Variants in SPDYE1 observed in about 807,000 individuals in gnomAD.
SPDYE1 encodes the protein speedy/RINGO cell cycle regulator family member E1.
SPDYE1 carries 29 observed loss-of-function variants against 45.9 expected under a neutral mutation model. The ratio of observed to expected loss-of-function variants is 0.63; its 90% CI spans 0.47 to 0.86. The LOEUF is 0.86. Ranked by LOEUF, SPDYE1 falls within the 40% of genes least tolerant of loss-of-function variation. The pLI, the probability that SPDYE1 is intolerant of heterozygous loss-of-function variation, is 0.00. For synonymous variants in SPDYE1, 134 were observed against 176.8 expected (o/e 0.76, Z 1.92); for missense variants, 346 against 481.4 (o/e 0.72, Z 2.63).
At position 44,007,383 on chromosome 7, in the gene SPDYE1, T is replaced by G; in HGVS notation, c.868T>G (p.Leu290Val). The G allele has an allele frequency of 6.2e-7, 1 of 1,613,218 alleles. No homozygotes were observed. The highest frequency in any genetic ancestry group is 8.5e-7 in the Non-Finnish European group (1 of 1,179,464). ...CTTGCTCCGTAAGCGTCGGTTCCAG[T>G]TATACCGTTCCATGAACCCGAGGGC... ...IPLLRKRRFQ[L>V]YRSMNPRARK... The change falls in exon 7 of 9, where the codon TTA (leucine) becomes GTA (valine). Residue 290 changes from leucine (L) to valine (V), a missense_variant. Transcript: ENST00000693451.
chr7:44,007,600 G>A lies in SPDYE1; in HGVS notation c.1071+14G>A. 1 of 1,612,760 alleles carries A rather than the reference G, an allele frequency of 6.2e-7. No homozygotes were observed. Among genetic ancestry groups the A allele is most frequent in the East Asian group, 2.2e-5 (1 of 44,858 alleles). On this transcript the variant is annotated intron_variant, in intron 7 of 8. Coordinates refer to ENST00000693451, the MANE Select transcript of SPDYE1 (RefSeq NM_001378423.2). Reference sequence around the variant, plus strand: ...GAGTTGGAGGAGGTGAGTGGGGCCTGGGGAGGTGGAGGAGGTGGGGAGGAA... The same window carrying A: ...GAGTTGGAGGAGGTGAGTGGGGCCTAGGGAGGTGGAGGAGGTGGGGAGGAA...
rs771424141 is a variant in SPDYE1 at position 44,007,524 on chromosome 7, C to T, written c.1009C>T (p.Arg337Trp). The change falls in exon 7 of 9, where the codon CGG becomes TGG. Residue 337 changes from arginine to tryptophan, a missense_variant. Physicochemically the swap from Arg to Trp is moderately radical, Grantham distance 101. Coordinates refer to ENST00000693451, the MANE Select transcript of SPDYE1 (RefSeq NM_001378423.2). ...TCAGATAGTCCTGTTCCAGAAACGTCGGTTCCACTTCTTCTGTTCCATGAG... is the reference window on the plus strand; with the variant it reads ...TCAGATAGTCCTGTTCCAGAAACGTTGGTTCCACTTCTTCTGTTCCATGAG... The part of the protein sequence containing the change: ...RSQIVLFQKR[R>W]FHFFCSMSCR... 6.8e-6 allele frequency: 11 copies of T among 1,613,682 alleles called. No homozygotes were observed. Among genetic ancestry groups the T allele is most frequent in the East Asian group, 2.2e-5 (1 of 44,892 alleles).
intron 6 of SPDYE1, among the ~76,000 whole-genome samples, chr7:44,005,922 G>C (rs2096070627): frequency 6.6e-6 from 1 of 151,844 alleles, no homozygotes; most frequent in Admixed American, 6.6e-5. Flanking sequence ...GGTCCCCCTC[G>C]CATCACTCGA....
intron 6 of SPDYE1, among the ~76,000 whole-genome samples, chr7:44,005,974 C>T (rs1353569073): frequency 6.6e-6 from 1 of 152,146 alleles, no homozygotes; most frequent in Non-Finnish European, 1.5e-5. Flanking sequence ...CCTGGAGTCT[C>T]TCCCCAAGCC....
chr7:44,000,952 G>A (rs2096062004), intron 2 of SPDYE1, 114 bp from the exon 3 acceptor site: 27 of 1,596,310 alleles, frequency 1.7e-5, no homozygotes, highest in Non-Finnish European at 1.9e-5. Flanking sequence ...ATGGCTTAGA[G>A]AAGTCAGCAG....
chr7:44,003,074 CG>C (rs1414942158), intron 4 of SPDYE1, among the ~76,000 whole-genome samples: 1 of 73,664 alleles, frequency 1.4e-5, no homozygotes, highest in African/African-American at 5.5e-5. Context: ...GATCCCAGCA[CG>C]TTGGGAGGCT....
rs562506868 is a variant in SPDYE1, at chr7:44,007,822, G to A, written c.*45+9G>A. 577 of 1,601,530 alleles carry A rather than the reference G, an allele frequency of 3.6e-4. No individual in the cohort carries two copies. Among genetic ancestry groups the A allele is most frequent in the Admixed American group, 1.2e-3 (71 of 58,494 alleles). On this transcript the variant is annotated intron_variant, in intron 8 of 8. Transcript: ENST00000693451. ...CATCGGCCTGAGAGAAGGTACATCT[G>A]CATCCTCCGGGGTAAAGGCAGAATA... is the stretch of plus-strand genomic sequence containing the variant.
In SPDYE1 at chr7:44,008,679, A is replaced by AG. The variant is rs1371298036; in HGVS notation, c.*62dup. Reference sequence around the variant, plus strand: ...CTCTCCCTTCCAGAACACCGGACCCAGGGGAGATGTGGATTTTCAGCAGGA... The same window carrying AG: ...CTCTCCCTTCCAGAACACCGGACCCAGGGGGAGATGTGGATTTTCAGCAGGA... On this transcript the variant is annotated 3_prime_UTR_variant, in exon 9 of 9. Coordinates refer to ENST00000693451, the MANE Select transcript of SPDYE1 (RefSeq NM_001378423.2). 7.8e-7 allele frequency: 1 copy of AG among 1,278,268 alleles called. No homozygotes were observed. Among genetic ancestry groups the AG allele is most frequent in the Admixed American group, 2.6e-5 (1 of 38,818 alleles). The allele number at this position is 1,278,268 out of a possible 1,614,324, so 79.2% of individuals were successfully genotyped here.
intron 5 of SPDYE1, 171 bp downstream of exon 5, chr7:44,004,082 C>T: frequency 1.7e-6 from 2 of 1,192,738 alleles, no homozygotes; most frequent in South Asian, 2.8e-5. Context: ...GTTGCCCAGG[C>T]TGGAGGGCAG....
chr7:43,999,646 G>T lies in SPDYE1; in HGVS notation c.-304G>T, dbSNP rs1392481857. Among the ~76,000 whole-genome samples the T allele has an allele frequency of 6.8e-6, 1 of 147,382 alleles. No individual in the cohort carries two copies. Among genetic ancestry groups the T allele is most frequent in the Non-Finnish European group, 1.5e-5 (1 of 66,486 alleles). On this transcript the variant is annotated 5_prime_UTR_variant, in exon 2 of 9. Coordinates refer to ENST00000693451, the MANE Select transcript of SPDYE1 (RefSeq NM_001378423.2). The stretch of plus-strand genomic sequence containing the variant: ...AACAGAGGGATGTGGAGTCCCTGAA[G>T]ATGCTTTTGGACAATGGTCTGAGGT...
Position 44,009,088 on chromosome 7 carries a change from G to T in SPDYE1, c.*467G>T. On this transcript the variant is annotated 3_prime_UTR_variant, in exon 9 of 9. Coordinates refer to ENST00000693451, the MANE Select transcript of SPDYE1 (RefSeq NM_001378423.2). ...TTGTGAAATATCAGTGCCACAGATTGTAACAGATAGCTTCATGCACACTCT... is the reference window on the plus strand; with the variant it reads ...TTGTGAAATATCAGTGCCACAGATTTTAACAGATAGCTTCATGCACACTCT... 1 of 300,510 alleles carries T rather than the reference G, an allele frequency of 3.3e-6. No homozygotes were observed. The highest frequency in any genetic ancestry group is 6.4e-6 in the Non-Finnish European group (1 of 155,112). The allele number at this position is 300,510 out of a possible 1,614,324, so 18.6% of individuals were successfully genotyped here. A position where few individuals can be genotyped will look rare whatever the true frequency, so the allele number is the denominator to read the frequency against.
intron 8 of SPDYE1, 167 bp downstream of exon 8, chr7:44,007,980 A>T (rs1205607386): frequency 6.8e-7 from 1 of 1,478,406 alleles, no homozygotes; most frequent in Non-Finnish European, 9.0e-7. Context: ...TCTACTCCCA[A>T]CTACTCAGGA....
chr7:44,002,322 A>AAC (rs2096064617), intron 3 of SPDYE1, among the ~76,000 whole-genome samples: 1 of 92,796 alleles, frequency 1.1e-5, no homozygotes, highest in Non-Finnish European at 2.4e-5. Context: ...ACAACAACAA[A>AAC]AAAAAAAAAA....
At position 44,009,941 on chromosome 7, in the gene SPDYE1, A is replaced by G. The variant is rs926854354; in HGVS notation, c.*1320A>G. ...TCTTGTAAAAATAAATTTTTATTTG[A>G]TATTTCATCTATGTTTGAAATGTGA... On this transcript the variant is annotated 3_prime_UTR_variant, in exon 9 of 9. Coordinates refer to ENST00000693451, the MANE Select transcript of SPDYE1 (RefSeq NM_001378423.2). 8.9e-4 allele frequency: 136 copies of G among 152,270 alleles called. No homozygotes were observed. The highest frequency in any genetic ancestry group is 3.1e-3 in the African/African-American group (130 of 41,538). The allele number at this position is 152,270 out of a possible 1,614,324, so 9.4% of individuals were successfully genotyped here. A position where few individuals can be genotyped will look rare whatever the true frequency, so the allele number is the denominator to read the frequency against.
rs1157723109 is a variant in SPDYE1 at position 44,009,476 on chromosome 7, A to G, written c.*855A>G. ...TGTTTAGGTTTGTGACTGAATTGTG[A>G]GAATTCAGTTGTGATTTTTAACATG... On this transcript the variant is annotated 3_prime_UTR_variant, in exon 9 of 9. Coordinates refer to ENST00000693451, the MANE Select transcript of SPDYE1 (RefSeq NM_001378423.2). The G allele has an allele frequency of 2.0e-5, 3 of 151,800 alleles. No individual in the cohort carries two copies. In the East Asian group the frequency reaches 5.8e-4, roughly 29 times the overall value. 9.4% of individuals were successfully genotyped at this position (151,800 alleles called of 1,614,324 possible). A position where few individuals can be genotyped will look rare whatever the true frequency, so the allele number is the denominator to read the frequency against.
intron 5 of SPDYE1, 158 bp downstream of exon 5, chr7:44,004,069 T>C: frequency 1.5e-6 from 2 of 1,293,550 alleles, no homozygotes. Context: ...AGAGTCTTGC[T>C]CTGTTGCCCA....
chr7:44,002,615 G>A lies in SPDYE1; in HGVS notation c.405G>A (p.Pro135=), dbSNP rs368403460. ...CCCCTGGGGTAGATCCCAGCCCCCC[G>A]CATAGGTCCTTTTGCTGGAAAAGGA... ...QLAPGVDPSP[P]HRSFCWKRKM... is the part of the protein sequence containing the mutation. Residue 135 remains proline (P), a synonymous_variant, in exon 4 of 9, where the codon CCG becomes CCA. Transcript: ENST00000693451. 6.6e-5 allele frequency: 105 copies of A among 1,595,420 alleles called. No homozygotes were observed. The East Asian group carries it at 2.1e-3, about 32-fold the overall frequency.
rs760838071 is a variant in SPDYE1, at chr7:44,001,191, G to A, written c.286G>A (p.Val96Met). Residue 96 changes from valine (V) to methionine (M), a missense_variant, in exon 3 of 9, where the codon GTG (valine) becomes ATG (methionine). By Grantham distance (21) the Val-to-Met change is conservative. Around this residue, in one of 4 missense-constraint regions of SPDYE1, gnomAD observed 141 missense variants for 176.7 expected, o/e 0.80. Transcript: ENST00000693451. The stretch of plus-strand genomic sequence containing the variant: ...CCCTGAGCCTGAGGAGACCTGGGTA[G>A]TGGAGACGCTGTGTGGGCTCAAGAT... ...LAPEPEETWV[V>M]ETLCGLKMKL... 5.0e-6 allele frequency: 8 copies of A among 1,598,304 alleles called. No homozygotes were observed. In the African/African-American group the frequency reaches 6.7e-5, roughly 13 times the overall value.
intron 4 of SPDYE1, among the ~76,000 whole-genome samples, 161 bp from the exon 5 acceptor site, chr7:44,003,692 T>C (rs2096067126): frequency 6.6e-6 from 1 of 150,502 alleles, no homozygotes; most frequent in Non-Finnish European, 1.5e-5. Context: ...GGAGCCTCTC[T>C]CCCTTGCCCA....
Sources: gnomAD v4.1 joint callset for allele counts (sites outside exome capture counted in the v4.1 genomes callset) on GRCh38, gnomAD v4.1.1 for gene constraint, gnomAD v4.1.1 regional missense constraint, MANE v1.5 for transcripts, NCBI Gene and HGNC (gene_info 2026-07-23, HGNC 2026-07-21) for gene names.